KIAA1328: variants seen among roughly 807,000 people sequenced by gnomAD.
KIAA1328 encodes protein hinderin.
A neutral mutation model predicts 68.1 loss-of-function variants in KIAA1328; 52 were observed. The ratio of observed to expected loss-of-function variants is 0.76; its 90% CI spans 0.61 to 0.96. KIAA1328 has a LOEUF of 0.96. Among genes scored for constraint, KIAA1328 ranks in the 40% least tolerant of loss-of-function variants. The pLI is 0.00. For missense variants in KIAA1328, 641 were observed against 677.6 expected (o/e 0.95, Z 0.60); for synonymous variants, 232 against 239.4 (o/e 0.97, Z 0.28).
intron 5 of KIAA1328, among the ~76,000 whole-genome samples, chr18:36,896,021 T>C (rs1269228117): frequency 2.0e-5 from 3 of 152,140 alleles, no homozygotes; most frequent in Non-Finnish European, 2.9e-5. Flanking sequence ...AGCCTCCCAG[T>C]CTGTGGTATT....
intron 9 of KIAA1328, among the ~76,000 whole-genome samples, chr18:37,211,144 T>C (rs549425994): frequency 1.2e-4 from 18 of 152,340 alleles, no homozygotes; most frequent in African/African-American, 4.1e-4. Flanking sequence ...ATGTAGTTGG[T>C]AACAGTAACC....
intron 8 of KIAA1328, among the ~76,000 whole-genome samples, chr18:37,160,647 T>C (rs2059259712): frequency 6.6e-6 from 1 of 152,204 alleles, no homozygotes; most frequent in Non-Finnish European, 1.5e-5. Flanking sequence ...GCAGTAAGTA[T>C]GGTCATAGAC....
chr18:37,172,288 G>A (rs1311810788), intron 8 of KIAA1328, among the ~76,000 whole-genome samples: 1 of 152,098 alleles, frequency 6.6e-6, no homozygotes, highest in African/African-American at 2.4e-5. Flanking sequence ...ATGTTGTTTA[G>A]AAACTAATAA....
chr18:36,836,264 A>G (rs1345126225), intron 3 of KIAA1328, among the ~76,000 whole-genome samples: 1 of 152,106 alleles, frequency 6.6e-6, no homozygotes, highest in African/African-American at 2.4e-5. Flanking sequence ...GAATAGTTGA[A>G]TTTGCAAGTT....
chr18:37,069,305 G>A (rs1032749709), intron 7 of KIAA1328, among the ~76,000 whole-genome samples: 3 of 149,776 alleles, frequency 2.0e-5, no homozygotes, highest in Non-Finnish European at 4.4e-5. Flanking sequence ...TGTCACCCAG[G>A]CTGGAGTGCA....
intron 5 of KIAA1328, among the ~76,000 whole-genome samples, chr18:36,941,474 A>C (rs1386664423): frequency 1.3e-5 from 2 of 152,138 alleles, no homozygotes; most frequent in Non-Finnish European, 2.9e-5. Context: ...GGATGCCTGC[A>C]ATCCCAGCTA....
chr18:37,076,733 G>C (rs1177747151), intron 7 of KIAA1328, among the ~76,000 whole-genome samples: 2 of 151,940 alleles, frequency 1.3e-5, no homozygotes, highest in Non-Finnish European at 2.9e-5. Flanking sequence ...AGAAAATCTA[G>C]AAGAAATGGA....
chr18:37,007,979 G>C (rs1393971103), intron 6 of KIAA1328, among the ~76,000 whole-genome samples: 1 of 152,142 alleles, frequency 6.6e-6, no homozygotes, highest in Non-Finnish European at 1.5e-5. Flanking sequence ...AGTTGTGAAG[G>C]CAACAGTGTG....
intron 3 of KIAA1328, among the ~76,000 whole-genome samples, chr18:36,841,071 C>A (rs567030735): frequency 2.6e-4 from 40 of 152,010 alleles, no homozygotes; most frequent in African/African-American, 8.2e-4. Context: ...AGTGAGGAAC[C>A]CCAGAGCAAA....
At chr18:37,152,472 T>C (rs912398650) in intron 7 of KIAA1328, among the ~76,000 whole-genome samples, 1 of 152,162 alleles carries the variant, frequency 6.6e-6, no homozygotes, top group Non-Finnish European at 1.5e-5. Context: ...CTTTTGTCTC[T>C]GTAAGTTTGT....
At chr18:37,158,638 G>A (rs141879148) in intron 7 of KIAA1328, among the ~76,000 whole-genome samples, 1 of 152,006 alleles carries the variant, frequency 6.6e-6, no homozygotes, top group African/African-American at 2.4e-5. Flanking sequence ...AATGAAGGAA[G>A]AAATTTTTCA....
At chr18:37,120,637 C>T (rs746270692) in intron 7 of KIAA1328, among the ~76,000 whole-genome samples, 1 of 152,124 alleles carries the variant, frequency 6.6e-6, no homozygotes, top group Non-Finnish European at 1.5e-5. Flanking sequence ...AGCCCAGAAA[C>T]TCTCAAGGAG....
chr18:37,112,551 A>G (rs180959115), intron 7 of KIAA1328, among the ~76,000 whole-genome samples: 1 of 152,316 alleles, frequency 6.6e-6, no homozygotes, highest in East Asian at 1.9e-4. Context: ...AGATGGGGAG[A>G]AACCAGAGCA....
chr18:36,880,251 G>A (rs193142222), intron 4 of KIAA1328, among the ~76,000 whole-genome samples: 1 of 152,326 alleles, frequency 6.6e-6, no homozygotes, highest in East Asian at 1.9e-4. Context: ...TCATGGCACA[G>A]TCCCTCAGGG....
At chr18:36,872,102 G>A (rs1181868659) in intron 4 of KIAA1328, among the ~76,000 whole-genome samples, 3 of 152,072 alleles carry the variant, frequency 2.0e-5, no homozygotes, top group Non-Finnish European at 4.4e-5. Context: ...TCAGGAAGAC[G>A]AGCAACATAA....
At chr18:36,916,058 A>G (rs1255691332) in intron 5 of KIAA1328, among the ~76,000 whole-genome samples, 6 of 152,088 alleles carry the variant, frequency 3.9e-5, no homozygotes, top group Non-Finnish European at 8.8e-5. Context: ...TATGTTTCTA[A>G]ATGTAGTTTT....
intron 4 of KIAA1328, among the ~76,000 whole-genome samples, chr18:36,859,931 T>C (rs1001459444): frequency 5.4e-5 from 8 of 148,592 alleles, no homozygotes; most frequent in African/African-American, 1.9e-4. Context: ...TTCCTTTTTT[T>C]TTTAATGTGT....
At chr18:37,178,752 C>T (rs539924319) in intron 9 of KIAA1328, among the ~76,000 whole-genome samples, 3 of 152,098 alleles carry the variant, frequency 2.0e-5, no homozygotes, top group Non-Finnish European at 2.9e-5. Context: ...TTGTCTTGTC[C>T]GTTTGGTAAC....
chr18:37,106,642 C>T (rs957130150), intron 7 of KIAA1328, among the ~76,000 whole-genome samples: 1 of 152,108 alleles, frequency 6.6e-6, no homozygotes, highest in Non-Finnish European at 1.5e-5. Context: ...TGGTCTCGAA[C>T]TCCTGACCTC....
Sources: allele counts gnomAD v4.1 joint callset (sites outside exome capture counted in the v4.1 genomes callset), GRCh38; gene constraint gnomAD v4.1.1; transcripts MANE v1.5; gene names NCBI Gene and HGNC (gene_info 2026-07-23, HGNC 2026-07-21).